The following HYCC1 variants were observed in gnomAD, a reference collection of about 807,000 sequenced individuals.
HYCC1 encodes hyccin.
the HYCC1 span, among the ~76,000 whole-genome samples, chr7:22,899,384 T>A: frequency 6.6e-6 from 1 of 152,156 alleles, no homozygotes; most frequent in Non-Finnish European, 1.5e-5. Context: ...AGAAATTTCC[T>A]CCACTACCTT....
At chr7:23,000,659 C>CCA in the HYCC1 span, among the ~76,000 whole-genome samples, 1 of 152,124 alleles carries the variant, frequency 6.6e-6, no homozygotes, top group Non-Finnish European at 1.5e-5. Flanking sequence ...TAGTCCTCCT[C>CCA]CACATCAATG....
chr7:22,953,074 T>C, the HYCC1 span, among the ~76,000 whole-genome samples: 1 of 152,108 alleles, frequency 6.6e-6, no homozygotes, highest in East Asian at 1.9e-4. Context: ...GAATTCTCCT[T>C]ATTGAGGTGG....
At chr7:22,905,915 G>T in the HYCC1 span, among the ~76,000 whole-genome samples, 2 of 152,152 alleles carry the variant, frequency 1.3e-5, no homozygotes, top group Non-Finnish European at 2.9e-5. Flanking sequence ...GTGAGAAGAT[G>T]AAGTAAAATA....
At chr7:23,013,490 A>G in the HYCC1 span, among the ~76,000 whole-genome samples, 16 of 152,256 alleles carry the variant, frequency 1.1e-4, 1 homozygote, top group South Asian at 2.1e-4. Flanking sequence ...AGGCCAGAGC[A>G]TCCGCCGCGG....
the HYCC1 span, among the ~76,000 whole-genome samples, chr7:22,963,569 A>G: frequency 6.6e-6 from 1 of 152,348 alleles, no homozygotes; most frequent in Admixed American, 6.5e-5. Flanking sequence ...ACTGTGGGAC[A>G]ATATTAATGG....
At chr7:22,932,032 G>C in the HYCC1 span, among the ~76,000 whole-genome samples, 4 of 152,276 alleles carry the variant, frequency 2.6e-5, no homozygotes, top group South Asian at 4.1e-4. Context: ...GATAGCAAAA[G>C]ATGAGAAAAT....
chr7:22,983,850 A>C, the HYCC1 span: 1 of 756,582 alleles, frequency 1.3e-6, no homozygotes, highest in Non-Finnish European at 2.3e-6. Flanking sequence ...TTAAACATAT[A>C]CATTTTCTTA....
At chr7:22,907,677 A>G in the HYCC1 span, among the ~76,000 whole-genome samples, 3 of 152,154 alleles carry the variant, frequency 2.0e-5, no homozygotes, top group Admixed American at 6.5e-5. Context: ...TGGGAGGCCG[A>G]GGCGGGTGGA....
At chr7:22,969,984 G>A in the HYCC1 span, among the ~76,000 whole-genome samples, 49 of 152,126 alleles carry the variant, frequency 3.2e-4, no homozygotes, top group Non-Finnish European at 6.3e-4. Context: ...TCAGGAAACA[G>A]AACATAGGTA....
chr7:22,904,712 G>A, the HYCC1 span, among the ~76,000 whole-genome samples: 4 of 151,850 alleles, frequency 2.6e-5, no homozygotes, highest in Non-Finnish European at 5.9e-5. Flanking sequence ...GGGAGGTCGA[G>A]GTGGGCAGAT....
At chr7:22,964,481 A>G in the HYCC1 span, 1 of 1,611,060 alleles carries the variant, frequency 6.2e-7, no homozygotes, top group Non-Finnish European at 8.5e-7. Context: ...CCTGCTACTT[A>G]TACCTTTATA....
At chr7:22,900,820 AGAGT>A in the HYCC1 span, among the ~76,000 whole-genome samples, 31 of 152,330 alleles carry the variant, frequency 2.0e-4, no homozygotes, top group East Asian at 5.0e-3. Context: ...AAAAATTATC[AGAGT>A]GAGTAGAAAA....
chr7:22,941,695 G>A, the HYCC1 span: 2 of 152,036 alleles, frequency 1.3e-5, no homozygotes, highest in African/African-American at 2.4e-5. Context: ...ATATGCACAA[G>A]TTACAAAGTA....
the HYCC1 span, among the ~76,000 whole-genome samples, chr7:23,003,987 G>C: frequency 1.3e-5 from 2 of 152,166 alleles, no homozygotes; most frequent in Non-Finnish European, 2.9e-5. Context: ...AAACATTATA[G>C]TAACCAAAGC....
chr7:22,964,879 A>T, the HYCC1 span, among the ~76,000 whole-genome samples: 1 of 152,128 alleles, frequency 6.6e-6, no homozygotes, highest in Non-Finnish European at 1.5e-5. Flanking sequence ...TCACACCTGT[A>T]ATCTCAACAC....
At chr7:22,953,060 G>A in the HYCC1 span, among the ~76,000 whole-genome samples, 15 of 151,924 alleles carry the variant, frequency 9.9e-5, no homozygotes, top group Non-Finnish European at 1.9e-4. Flanking sequence ...CATGGTAAAT[G>A]ACAGAATTCT....
chr7:22,922,588 C>T, the HYCC1 span, among the ~76,000 whole-genome samples: 2 of 152,172 alleles, frequency 1.3e-5, no homozygotes, highest in South Asian at 2.1e-4. Context: ...ATTCATATCA[C>T]TTTCACACCA....
At chr7:22,956,344 A>C in the HYCC1 span, among the ~76,000 whole-genome samples, 1 of 151,906 alleles carries the variant, frequency 6.6e-6, no homozygotes, top group African/African-American at 2.4e-5. Context: ...GCAATTCTAC[A>C]CTGTAATTTT....
At chr7:22,963,621 C>T in the HYCC1 span, among the ~76,000 whole-genome samples, 2 of 152,140 alleles carry the variant, frequency 1.3e-5, no homozygotes, top group Non-Finnish European at 2.9e-5. Context: ...ATGGGCCAGA[C>T]AATAAGTATT....
Sources: allele counts gnomAD v4.1 joint callset (sites outside exome capture counted in the v4.1 genomes callset), GRCh38; gene constraint gnomAD v4.1.1; transcripts MANE v1.5; gene names NCBI Gene and HGNC (gene_info 2026-07-23, HGNC 2026-07-21).